IKZF2: variants seen among roughly 807,000 people sequenced by gnomAD.
IKZF2 encodes the protein zinc finger protein Helios.
A neutral mutation model predicts 49.2 loss-of-function variants in IKZF2; 15 were observed. That is an observed-to-expected ratio of 0.30 (90% confidence interval 0.20 to 0.47). IKZF2 has a LOEUF of 0.47. Among genes scored for constraint, IKZF2 ranks in the 20% least tolerant of loss-of-function variants. The pLI, the probability that IKZF2 is intolerant of heterozygous loss-of-function variation, is 1.00. For missense variants in IKZF2, 567 were observed against 664.6 expected, an observed-to-expected ratio of 0.85 and a Z score of 1.61; for synonymous variants, 227 against 221.4, an observed-to-expected ratio of 1.03 and a Z score of -0.23.
intron 4 of IKZF2, among the ~76,000 whole-genome samples, chr2:213,136,471 T>G (rs1198911935): frequency 7.0e-6 from 1 of 143,396 alleles, no homozygotes; most frequent in Non-Finnish European, 1.6e-5. Flanking sequence ...TATAGTAAAA[T>G]AGTATTCAAT....
At chr2:213,116,705 C>T (rs2059889329) in intron 4 of IKZF2, among the ~76,000 whole-genome samples, 1 of 152,152 alleles carries the variant, frequency 6.6e-6, no homozygotes, top group Non-Finnish European at 1.5e-5. Flanking sequence ...CATCACTGCA[C>T]TCAAGCCTGG....
intron 5 of IKZF2, among the ~76,000 whole-genome samples, chr2:213,053,825 A>C (rs905019688): frequency 6.6e-6 from 1 of 152,210 alleles, no homozygotes; most frequent in Admixed American, 6.5e-5. Flanking sequence ...AAATCAATAA[A>C]ATGAAACCAT....
intron 6 of IKZF2, among the ~76,000 whole-genome samples, chr2:213,022,471 G>A (rs1344977743): frequency 6.6e-6 from 1 of 151,164 alleles, no homozygotes. Flanking sequence ...CAAATCAGGA[G>A]TATCCTAGAT....
chr2:213,056,207 C>T (rs1017207148), intron 5 of IKZF2, among the ~76,000 whole-genome samples: 34 of 151,674 alleles, frequency 2.2e-4, no homozygotes, highest in African/African-American at 7.5e-4. Flanking sequence ...GCTTTTTCCT[C>T]ACTCTATCCC....
chr2:213,096,533 T>C (rs1706020003), intron 4 of IKZF2, among the ~76,000 whole-genome samples: 1 of 151,984 alleles, frequency 6.6e-6, no homozygotes, highest in Admixed American at 6.6e-5. Flanking sequence ...AGCATTTCCA[T>C]GTCATTAAGA....
At chr2:213,040,978 C>T (rs1199542429) in intron 6 of IKZF2, among the ~76,000 whole-genome samples, 1 of 151,998 alleles carries the variant, frequency 6.6e-6, no homozygotes. Context: ...ATTAGTTGGG[C>T]GTGGTGGTGC....
intron 4 of IKZF2, among the ~76,000 whole-genome samples, chr2:213,083,499 T>A (rs920634291): frequency 2.0e-5 from 3 of 146,548 alleles, no homozygotes; most frequent in Admixed American, 6.9e-5. Context: ...CAAGCGATTC[T>A]CCTGCCTCAG....
At chr2:213,028,957 A>T (rs1698115949) in intron 6 of IKZF2, among the ~76,000 whole-genome samples, 1 of 152,072 alleles carries the variant, frequency 6.6e-6, no homozygotes, top group African/African-American at 2.4e-5. Flanking sequence ...GTTAATATGG[A>T]AAATTACATT....
intron 7 of IKZF2, among the ~76,000 whole-genome samples, chr2:213,017,913 T>C (rs1696790244): frequency 1.3e-5 from 2 of 152,092 alleles, no homozygotes; most frequent in South Asian, 4.2e-4. Flanking sequence ...AAGAGAGATA[T>C]AATATTCAAT....
chr2:213,028,873 T>C (rs1469989239), intron 6 of IKZF2, among the ~76,000 whole-genome samples: 1 of 152,112 alleles, frequency 6.6e-6, no homozygotes, highest in Non-Finnish European at 1.5e-5. Flanking sequence ...TTTTATAATA[T>C]GTGAAAGCTG....
At chr2:213,090,522 T>G (rs80058131) in intron 4 of IKZF2, among the ~76,000 whole-genome samples, 1,733 of 152,304 alleles carry the variant, frequency 0.011, 33 homozygotes, top group African/African-American at 0.039. Flanking sequence ...AGAAGACAAT[T>G]ATACAATAAA....
intron 4 of IKZF2, among the ~76,000 whole-genome samples, chr2:213,085,825 C>A (rs149794558): frequency 1.6e-3 from 239 of 152,298 alleles, no homozygotes; most frequent in Middle Eastern, 6.8e-3. Flanking sequence ...GGTCTCCTTT[C>A]TCGATTATCC....
intron 4 of IKZF2, among the ~76,000 whole-genome samples, chr2:213,125,930 G>A (rs1470070672): frequency 6.6e-6 from 1 of 152,120 alleles, no homozygotes; most frequent in Non-Finnish European, 1.5e-5. Context: ...CACATGATTT[G>A]TACTAGTATA....
intron 4 of IKZF2, among the ~76,000 whole-genome samples, chr2:213,101,222 A>T (rs1029924316): frequency 6.3e-4 from 96 of 152,250 alleles, no homozygotes; most frequent in African/African-American, 2.2e-3. Context: ...GCTTTAAAAA[A>T]AATCTCAGAA....
chr2:213,019,953 A>G (rs1697023892), intron 7 of IKZF2, among the ~76,000 whole-genome samples: 1 of 152,230 alleles, frequency 6.6e-6, no homozygotes, highest in African/African-American at 2.4e-5. Flanking sequence ...TGTTGATTAT[A>G]ATAATTTATT....
intron 5 of IKZF2, among the ~76,000 whole-genome samples, chr2:213,054,649 ATTAACT>A (rs1469881974): frequency 6.6e-6 from 1 of 152,192 alleles, no homozygotes; most frequent in African/African-American, 2.4e-5. Context: ...GTAAATGGCT[ATTAACT>A]TTAAGAAAAA....
intron 7 of IKZF2, among the ~76,000 whole-genome samples, chr2:213,017,416 T>C (rs1048778114): frequency 6.6e-6 from 1 of 152,156 alleles, no homozygotes; most frequent in Non-Finnish European, 1.5e-5. Context: ...AAAATCTCCA[T>C]TTACCTTTCT....
intron 4 of IKZF2, among the ~76,000 whole-genome samples, chr2:213,087,064 A>C (rs141350657): frequency 4.0e-4 from 61 of 152,310 alleles, no homozygotes; most frequent in African/African-American, 1.3e-3. Flanking sequence ...CCACAATACC[A>C]GTACACTTAA....
At chr2:213,065,430 A>G (rs1022704923) in intron 4 of IKZF2, among the ~76,000 whole-genome samples, 1 of 152,106 alleles carries the variant, frequency 6.6e-6, no homozygotes, top group Admixed American at 6.6e-5. Context: ...TATTTGTTGA[A>G]CCAGTGCTGC....
Sources: allele counts gnomAD v4.1 joint callset (sites outside exome capture counted in the v4.1 genomes callset), GRCh38; gene constraint gnomAD v4.1.1; transcripts MANE v1.5; gene names NCBI Gene and HGNC (gene_info 2026-07-23, HGNC 2026-07-21).